The following TRIM21 variants were observed in gnomAD, a reference collection of about 807,000 sequenced individuals.
TRIM21 encodes tripartite motif containing 21, also known as E3 ubiquitin-protein ligase TRIM21.
In TRIM21, 35 loss-of-function variants were observed where a neutral mutation model predicts 36.1. The ratio of observed to expected loss-of-function variants is 0.97; its 90% CI spans 0.74 to 1.28. TRIM21 has a LOEUF of 1.28. Ranked by LOEUF, TRIM21 falls within the 50% of genes most tolerant of loss-of-function variation. The pLI is 0.00. For synonymous variants in TRIM21, 256 were observed against 211.5 expected (o/e 1.21, Z -1.83); for missense variants, 635 against 570.7 (o/e 1.11, Z -1.15).
At chr11:4,392,286 G>A (rs1007772891) in intron 1 of TRIM21, among the ~76,000 whole-genome samples, 1 of 152,036 alleles carries the variant, frequency 6.6e-6, no homozygotes, top group Non-Finnish European at 1.5e-5. Flanking sequence ...AAAATAATGG[G>A]TCAGGCACGG....
rs1491001877 is a variant in TRIM21 at position 4,385,428 on chromosome 11, G to A, written c.1285C>T (p.Leu429Phe). 4.3e-6 allele frequency: 7 copies of A among 1,613,638 alleles called. No individual in the cohort carries two copies. Among genetic ancestry groups the A allele is most frequent in the South Asian group, 1.1e-5 (1 of 90,964 alleles). ...SFYNITDHGSLIYSFSECAFT... is the reference protein window; with the variant it reads ...SFYNITDHGSFIYSFSECAFT... ...GCACATTCAGAGAAGGAGTAGATGA[G>A]GGAGCCATGGTCAGTGATGTTGTAG... Residue 429 changes from leucine (L) to phenylalanine (F), a missense_variant, in exon 7 of 7, where the codon CTC becomes TTC. Transcript: ENST00000254436.
intron 5 of TRIM21, 26 bp from the exon 6 acceptor site, chr11:4,386,283 C>A (rs371266390): frequency 1.3e-6 from 2 of 1,559,742 alleles, no homozygotes; most frequent in Non-Finnish European, 1.8e-6. Context: ...TTTGAGACTC[C>A]TGTCTCCTAC....
At chr11:4,392,652 A>G (rs2094964415) in intron 1 of TRIM21, among the ~76,000 whole-genome samples, 1 of 152,078 alleles carries the variant, frequency 6.6e-6, no homozygotes, top group Non-Finnish European at 1.5e-5. Flanking sequence ...CACCGATCAA[A>G]CAGTTTGTTG....
rs1465202344 is a variant in TRIM21 at position 4,388,353 on chromosome 11, G to A, written c.682C>T (p.Leu228Phe). Residue 228 changes from leucine to phenylalanine, a missense_variant, in exon 4 of 7, where the codon CTC becomes TTC. By Grantham distance (22) the Leu-to-Phe change is conservative (BLOSUM62 0). Transcript: ENST00000254436. The part of the protein sequence containing the change: ...LAQQSQALQE[L>F]ISELDRRCHS... ...CACCTTCGATCTAGCTCTGAGATGA[G>A]CTCCTGTAGGGCCTGGCTCTGCTGG... 3 of 1,613,944 alleles carry A rather than the reference G, an allele frequency of 1.9e-6. No homozygotes were observed. Among genetic ancestry groups the A allele is most frequent in the Non-Finnish European group, 2.5e-6 (3 of 1,179,886 alleles).
At chr11:4,386,441 G>C in intron 5 of TRIM21, 184 bp from the exon 6 acceptor site, 1 of 656,242 alleles carries the variant, frequency 1.5e-6, no homozygotes, top group South Asian at 1.7e-5. Context: ...CTACCCAGGA[G>C]TTCCTGGTTA....
At chr11:4,388,656 C>A in intron 3 of TRIM21, 126 bp from the exon 4 acceptor site, 1 of 877,952 alleles carries the variant, frequency 1.1e-6, no homozygotes, top group Non-Finnish European at 1.8e-6. Context: ...AAAACACACA[C>A]ACATGCACAC....
chr11:4,387,077 G>T, intron 4 of TRIM21, 87 bp from the exon 5 acceptor site: 2 of 1,381,618 alleles, frequency 1.4e-6, no homozygotes. Context: ...ATCCATCTTT[G>T]GTCCCTGGGG....
At chr11:4,391,025 C>G (rs1275389116) in intron 1 of TRIM21, among the ~76,000 whole-genome samples, 2 of 152,090 alleles carry the variant, frequency 1.3e-5, no homozygotes, top group Admixed American at 6.5e-5. Flanking sequence ...GCAAAGATTT[C>G]TTTCAAATAT....
chr11:4,391,214 A>G (rs990581789), intron 1 of TRIM21, among the ~76,000 whole-genome samples: 1 of 152,150 alleles, frequency 6.6e-6, no homozygotes, highest in Non-Finnish European at 1.5e-5. Context: ...TAAGGAGCTC[A>G]AACAACTCTA....
chr11:4,390,014 T>C lies in TRIM21; in HGVS notation c.396A>G (p.Ala132=), dbSNP rs1411615390. ...DHAMVPLEEA[A]QEYQEKLQVA... is the part of the protein sequence containing the mutation. The stretch of plus-strand genomic sequence containing the variant: ...TCTTAGGCCTCACCTGGTACTCCTG[T>C]GCAGCCTCCTCAAGAGGGACCATGG... The change falls in exon 2 of 7, where the codon GCA becomes GCG. Residue 132 remains alanine (A), a synonymous_variant. Coordinates refer to ENST00000254436, the MANE Select transcript of TRIM21 (RefSeq NM_003141.4). 1 of 1,613,822 alleles carries C rather than the reference T, an allele frequency of 6.2e-7. No individual in the cohort carries two copies. Among genetic ancestry groups the C allele is most frequent in the Middle Eastern group, 1.6e-4 (1 of 6,062 alleles).
At position 4,390,143 on chromosome 11, in the gene TRIM21, C is replaced by T; in HGVS notation, c.267G>A (p.Gly89=). The change falls in exon 2 of 7, where the codon GGG becomes GGA. Residue 89 remains glycine, a synonymous_variant. Coordinates refer to ENST00000254436, the MANE Select transcript of TRIM21 (RefSeq NM_003141.4). ...ISQEAREGTQ[G]ERCAVHGERL... ...TCTCTCCATGCACTGCACACCGTTC[C>T]CCCTGTGTGCCCTCTCTGGCCTCCT... 6.2e-7 allele frequency: 1 copy of T among 1,614,038 alleles called. No individual in the cohort carries two copies. The highest frequency in any genetic ancestry group is 8.5e-7 in the Non-Finnish European group (1 of 1,179,894).
chr11:4,385,841 A>G lies in TRIM21; in HGVS notation c.872T>C (p.Leu291Pro). The change falls in exon 7 of 7, where the codon CTG becomes CCG. Residue 291 changes from leucine (L) to proline (P), a missense_variant. Transcript: ENST00000254436. ...MLRTCAVHIT[L>P]DPDTANPWLI... ...CCACGGATTGGCTGTGTCTGGATCC[A>G]GAGTGATGTGGACTGCAGAGAGAGG... is the stretch of plus-strand genomic sequence containing the variant. 6.2e-7 allele frequency: 1 copy of G among 1,609,718 alleles called. No individual in the cohort carries two copies. Among genetic ancestry groups the G allele is most frequent in the Non-Finnish European group, 8.5e-7 (1 of 1,177,800 alleles).
At chr11:4,386,791 G>A (rs2094956734) in intron 5 of TRIM21, among the ~76,000 whole-genome samples, 177 bp downstream of exon 5, 1 of 152,160 alleles carries the variant, frequency 6.6e-6, no homozygotes, top group African/African-American at 2.4e-5. Flanking sequence ...CACCAATTGA[G>A]ATGTCCATTT....
In TRIM21 at chr11:4,388,398, C is replaced by A. The variant is rs1342458934; in HGVS notation, c.637G>T (p.Glu213Ter). Residue 213 changes from glutamate (E) to a stop codon, truncating the protein, a stop_gained, in exon 4 of 7, where the codon GAG becomes TAG. Coordinates refer to ENST00000254436, the MANE Select transcript of TRIM21 (RefSeq NM_003141.4). LOFTEE classifies it high-confidence loss of function. Reference protein sequence around the residue: ...DEREQLRILGEKEAKLAQQSQ... With the variant: ...DEREQLRILG Reference sequence around the variant, plus strand: ...TGCTGGGCCAGCTTGGCCTCTTTCTCCCCCAGGATTCTCAGCTGCTCCCTC... The same window carrying A: ...TGCTGGGCCAGCTTGGCCTCTTTCTACCCCAGGATTCTCAGCTGCTCCCTC... 1 of 1,613,948 alleles carries A rather than the reference C, an allele frequency of 6.2e-7. No individual in the cohort carries two copies. Among genetic ancestry groups the A allele is most frequent in the Admixed American group, 1.7e-5 (1 of 60,024 alleles).
chr11:4,387,352 G>A (rs2094957376), intron 4 of TRIM21, among the ~76,000 whole-genome samples: 1 of 151,928 alleles, frequency 6.6e-6, no homozygotes, highest in Non-Finnish European at 1.5e-5. Context: ...GAGAATGGCC[G>A]AGTTCAGGTG....
chr11:4,385,728 G>A lies in TRIM21; in HGVS notation c.985C>T (p.Pro329Ser), dbSNP rs768958925. The A allele has an allele frequency of 2.9e-5, 47 of 1,613,100 alleles. No individual in the cohort carries two copies. Among genetic ancestry groups the A allele is most frequent in the Non-Finnish European group, 4.0e-5 (47 of 1,179,614 alleles). Residue 329 changes from proline to serine, a missense_variant, in exon 7 of 7, where the codon CCT becomes TCT. Transcript: ENST00000254436. ...PGNEERFDSY[P>S]MVLGAQHFHS... ...AAGTGCTGGGCACCCAGGACCATAG[G>A]ATAACTATCAAATCTCTCTTCATTT...
At chr11:4,388,594 G>A (rs1045522660) in intron 3 of TRIM21, 64 bp from the exon 4 acceptor site, 2 of 1,511,922 alleles carry the variant, frequency 1.3e-6, no homozygotes, top group Non-Finnish European at 9.1e-7. Context: ...TGGGAATGGA[G>A]GTATTGGTAC....
Position 4,390,191 on chromosome 11 carries a change from C to T in TRIM21, c.219G>A (p.Val73=), listed in dbSNP as rs769094622. 8.7e-6 allele frequency: 14 copies of T among 1,613,932 alleles called. No individual in the cohort carries two copies. The African/African-American group carries it at 1.3e-4, about 15-fold the overall frequency. ...LRPNRQLANM[V]NNLKEISQEA... is the part of the protein sequence containing the mutation. ...CCTGGCTGATTTCTTTAAGGTTGTT[C>T]ACCATGTTGGCTAGCTGTCGATTGG... Residue 73 remains valine, a synonymous_variant, in exon 2 of 7, where the codon GTG becomes GTA. Coordinates refer to ENST00000254436, the MANE Select transcript of TRIM21 (RefSeq NM_003141.4).
At chr11:4,388,665 A>G (rs1240316840) in intron 3 of TRIM21, 135 bp from the exon 4 acceptor site, 1 of 815,290 alleles carries the variant, frequency 1.2e-6, no homozygotes, top group African/African-American at 1.7e-5. Context: ...ACACATGCAC[A>G]CGCACACGCG....
Sources: allele counts gnomAD v4.1 joint callset (sites outside exome capture counted in the v4.1 genomes callset), GRCh38; gene constraint gnomAD v4.1.1; transcripts MANE v1.5; gene names NCBI Gene and HGNC (gene_info 2026-07-23, HGNC 2026-07-21).